FGGY: variants seen among roughly 807,000 people sequenced by gnomAD.
FGGY encodes FGGY carbohydrate kinase domain-containing protein.
Under a neutral mutation model 71.3 loss-of-function variants are expected in FGGY, and 72 were observed. The ratio of observed to expected loss-of-function variants is 1.01; its 90% CI spans 0.84 to 1.23. The LOEUF (loss-of-function observed/expected upper bound fraction) is 1.23. FGGY is among the 50% of genes most tolerant of loss of function. The pLI is 0.00. For synonymous variants in FGGY, 251 were observed against 250.3 expected, an observed-to-expected ratio of 1.00 and a Z score of -0.02; for missense variants, 668 against 682.3, an observed-to-expected ratio of 0.98 and a Z score of 0.23.
intron 5 of FGGY, among the ~76,000 whole-genome samples, chr1:59,417,620 T>C (rs2064694966): frequency 6.6e-6 from 1 of 152,200 alleles, no homozygotes; most frequent in Non-Finnish European, 1.5e-5. Context: ...TTATTTTTTG[T>C]TTGTTTTTAT....
chr1:59,398,114 C>T (rs1354397906), intron 5 of FGGY, among the ~76,000 whole-genome samples: 1 of 152,124 alleles, frequency 6.6e-6, no homozygotes, highest in Non-Finnish European at 1.5e-5. Flanking sequence ...TCTGTGAGGC[C>T]TCAACTTACA....
intron 5 of FGGY, among the ~76,000 whole-genome samples, chr1:59,437,347 C>T (rs1164362233): frequency 6.6e-6 from 1 of 152,214 alleles, no homozygotes; most frequent in Admixed American, 6.5e-5. Context: ...ACGACAGTAA[C>T]AAAACTGGCC....
intron 14 of FGGY, among the ~76,000 whole-genome samples, chr1:59,732,105 G>A (rs902140842): frequency 2.6e-5 from 4 of 152,144 alleles, no homozygotes; most frequent in Non-Finnish European, 1.5e-5. Flanking sequence ...CGCACACAAA[G>A]CATCTGGTCC....
chr1:59,574,964 GTTAA>G (rs948228803), intron 8 of FGGY, among the ~76,000 whole-genome samples: 1 of 152,040 alleles, frequency 6.6e-6, no homozygotes, highest in Non-Finnish European at 1.5e-5. Flanking sequence ...AAAAGTGTAT[GTTAA>G]TTTATTTTTA....
intron 11 of FGGY, among the ~76,000 whole-genome samples, chr1:59,647,097 C>T (rs941150577): frequency 7.2e-5 from 11 of 151,886 alleles, no homozygotes; most frequent in Non-Finnish European, 1.5e-4. Flanking sequence ...GACTGAGGGG[C>T]GAATCAGGTG....
At chr1:59,688,239 G>C (rs2097560995) in intron 14 of FGGY, among the ~76,000 whole-genome samples, 1 of 152,128 alleles carries the variant, frequency 6.6e-6, no homozygotes, top group South Asian at 2.1e-4. Context: ...CACTATTCTA[G>C]GTAAGTAACT....
intron 4 of FGGY, among the ~76,000 whole-genome samples, chr1:59,375,337 C>T (rs569872525): frequency 1.3e-5 from 2 of 151,722 alleles, no homozygotes; most frequent in South Asian, 4.2e-4. Flanking sequence ...GCTGGCATCT[C>T]AAGGTAAGGG....
intron 8 of FGGY, among the ~76,000 whole-genome samples, chr1:59,592,565 G>A (rs1224696908): frequency 6.6e-6 from 1 of 152,156 alleles, no homozygotes; most frequent in African/African-American, 2.4e-5. Context: ...ACTGGATTAA[G>A]AAAATGTGGC....
intron 8 of FGGY, among the ~76,000 whole-genome samples, chr1:59,581,025 A>G (rs1438401039): frequency 1.3e-5 from 2 of 152,170 alleles, no homozygotes; most frequent in Non-Finnish European, 1.5e-5. Context: ...TAATTTATAC[A>G]TAGGGGAAAT....
chr1:59,366,400 C>G (rs986652026), intron 4 of FGGY, among the ~76,000 whole-genome samples: 3 of 151,964 alleles, frequency 2.0e-5, no homozygotes, highest in African/African-American at 7.3e-5. Context: ...GATGTTTAGG[C>G]CTCTGCTTGC....
chr1:59,403,705 T>C (rs2062309812), intron 5 of FGGY, among the ~76,000 whole-genome samples: 1 of 152,136 alleles, frequency 6.6e-6, no homozygotes, highest in African/African-American at 2.4e-5. Context: ...GGTTGTGTGT[T>C]GGGGAGCATT....
chr1:59,380,356 C>T (rs2059258559), intron 5 of FGGY, among the ~76,000 whole-genome samples: 1 of 151,502 alleles, frequency 6.6e-6, no homozygotes, highest in South Asian at 2.1e-4. Flanking sequence ...TTCTAGATCC[C>T]TGAGGAATCG....
At chr1:59,401,618 G>T (rs867589297) in intron 5 of FGGY, among the ~76,000 whole-genome samples, 30 of 152,218 alleles carry the variant, frequency 2.0e-4, no homozygotes, top group Admixed American at 5.2e-4. Flanking sequence ...CCTGCCCAGA[G>T]TCGAATGGTT....
intron 8 of FGGY, among the ~76,000 whole-genome samples, chr1:59,567,818 C>A (rs1157460223): frequency 6.6e-6 from 1 of 151,046 alleles, no homozygotes; most frequent in African/African-American, 2.4e-5. Context: ...CTGATGGTTT[C>A]ATTCTCCTGA....
intron 7 of FGGY, among the ~76,000 whole-genome samples, chr1:59,546,440 G>T: frequency 6.6e-6 from 1 of 151,610 alleles, no homozygotes; most frequent in African/African-American, 2.4e-5. Flanking sequence ...GGTGGGGAGG[G>T]GGCAGTGGCA....
At chr1:59,686,579 A>AT (rs1014020352) in intron 14 of FGGY, among the ~76,000 whole-genome samples, 11 of 151,196 alleles carry the variant, frequency 7.3e-5, no homozygotes, top group African/African-American at 1.9e-4. Context: ...ATCCTCTATT[A>AT]TTTTTTTTTA....
chr1:59,637,511 A>C (rs1211627867), intron 10 of FGGY, among the ~76,000 whole-genome samples: 1 of 152,112 alleles, frequency 6.6e-6, no homozygotes, highest in African/African-American at 2.4e-5. Flanking sequence ...CTGAGGCAGG[A>C]GAATCGCTTG....
chr1:59,726,770 T>C (rs570151742), intron 14 of FGGY, among the ~76,000 whole-genome samples: 1 of 152,298 alleles, frequency 6.6e-6, no homozygotes, highest in East Asian at 1.9e-4. Flanking sequence ...GTTTGTCAGT[T>C]TTATTGCTCT....
chr1:59,461,449 T>C (rs1255230527), intron 6 of FGGY, among the ~76,000 whole-genome samples: 1 of 152,158 alleles, frequency 6.6e-6, no homozygotes, highest in Admixed American at 6.5e-5. Context: ...ATTTGATTGG[T>C]GTACCTGAAA....
Sources: gnomAD v4.1 joint callset for allele counts (sites outside exome capture counted in the v4.1 genomes callset) on GRCh38, gnomAD v4.1.1 for gene constraint, MANE v1.5 for transcripts, NCBI Gene and HGNC (gene_info 2026-07-23, HGNC 2026-07-21) for gene names.